The following CCDC83 variants were observed in gnomAD, a reference collection of about 807,000 sequenced individuals.
CCDC83 encodes the protein coiled-coil domain containing 83.
CCDC83 carries 54 observed loss-of-function variants against 50.1 expected under a neutral mutation model. The observed-to-expected ratio is 1.08, with a 90% CI of 0.87 to 1.35. The LOEUF is 1.35. Among genes scored for constraint, CCDC83 ranks in the 40% most tolerant of loss-of-function variants. CCDC83 has a pLI of 0.00. For missense variants in CCDC83, 518 were observed against 473.9 expected, an observed-to-expected ratio of 1.09 and a Z score of -0.86; for synonymous variants, 161 against 153.3, an observed-to-expected ratio of 1.05 and a Z score of -0.37.
chr11:85,880,753 G>A (rs1229183130), intron 3 of CCDC83, among the ~76,000 whole-genome samples: 1 of 151,884 alleles, frequency 6.6e-6, no homozygotes, highest in African/African-American at 2.4e-5. Context: ...CATGGTTTCT[G>A]ATGAAAAATA....
chr11:85,882,701 C>A, intron 4 of CCDC83, 26 bp downstream of exon 4: 1 of 1,601,910 alleles, frequency 6.2e-7, no homozygotes, highest in South Asian at 1.1e-5. Context: ...AGAAAACTAT[C>A]ATAGAGTTGT....
chr11:85,884,204 A>G (rs927056534), intron 4 of CCDC83, among the ~76,000 whole-genome samples: 1 of 152,198 alleles, frequency 6.6e-6, no homozygotes, highest in African/African-American at 2.4e-5. Context: ...AGGACTGGAC[A>G]TGCATGGGAA....
chr11:85,913,702 A>C (rs1428719451), intron 8 of CCDC83, among the ~76,000 whole-genome samples: 1 of 152,114 alleles, frequency 6.6e-6, no homozygotes, highest in East Asian at 1.9e-4. Context: ...TCCCATCTCA[A>C]CTCACATAGA....
At chr11:85,857,568 C>T (rs375547020) in intron 1 of CCDC83, among the ~76,000 whole-genome samples, 1 of 152,174 alleles carries the variant, frequency 6.6e-6, no homozygotes, top group Non-Finnish European at 1.5e-5. Context: ...TTGGGGTCCA[C>T]AAGCTACACA....
rs1167629115 is a variant in CCDC83 at position 85,887,802 on chromosome 11, C to T, written c.511+1435C>T. 9.2e-5 allele frequency among the ~76,000 whole-genome samples: 11 copies of T among 119,942 alleles called. 1 individual carries two copies. Among genetic ancestry groups the T allele is most frequent in the Admixed American group, 6.3e-4 (7 of 11,154 alleles). The allele number at this position is 119,942 out of a possible 152,430, so 78.7% of individuals were successfully genotyped here. On this transcript the variant is annotated intron_variant, in intron 5 of 10. Transcript: ENST00000342404. ...CAGTGGTTGCATGGTTTTATTGTAC[C>T]TTTTTTTTTTTTTTTTTCGAGACAC...
In CCDC83 at chr11:85,917,166, G is replaced by GAGAGAGAGAGAAAGAA. The variant is rs756949334; in HGVS notation, c.1080+936_1080+937insGAGAGAGAAAGAAAGA. Among the ~76,000 whole-genome samples, 11 of 62,458 alleles carry GAGAGAGAGAGAAAGAA rather than the reference G, an allele frequency of 1.8e-4. No individual in the cohort carries two copies. The East Asian group carries it at 2.1e-3, about 12-fold the overall frequency. 41.0% of individuals were successfully genotyped at this position (62,458 alleles called of 152,430 possible). ...AGAGAGAGAGAGAGAGAGAGAGAGA[G>GAGAGAGAGAGAAAGAA]AGAAAGAAAGAAAGAAAGAAAGAAA... On this transcript the variant is annotated intron_variant, in intron 10 of 10. Transcript: ENST00000342404.
intron 3 of CCDC83, among the ~76,000 whole-genome samples, chr11:85,877,403 T>G (rs535500625): frequency 3.3e-5 from 5 of 152,274 alleles, no homozygotes; most frequent in African/African-American, 1.2e-4. Context: ...CCCAGGAGTT[T>G]GAGGTTACAG....
chr11:85,885,779 A>G (rs2093324022), intron 4 of CCDC83, among the ~76,000 whole-genome samples: 2 of 152,254 alleles, frequency 1.3e-5, no homozygotes, highest in Non-Finnish European at 2.9e-5. Context: ...AGGACCTGGG[A>G]AGGACACAAG....
intron 5 of CCDC83, among the ~76,000 whole-genome samples, chr11:85,888,180 A>C (rs908651879): frequency 1.3e-5 from 2 of 152,204 alleles, no homozygotes; most frequent in Non-Finnish European, 2.9e-5. Context: ...CTCTGAAAGA[A>C]ATGGTTGTGT....
At chr11:85,910,486 C>G (rs952860519) in intron 7 of CCDC83, among the ~76,000 whole-genome samples, 1 of 152,198 alleles carries the variant, frequency 6.6e-6, no homozygotes, top group African/African-American at 2.4e-5. Flanking sequence ...GGACTACTAG[C>G]CTGTGCTTCT....
intron 9 of CCDC83, 55 bp downstream of exon 9, chr11:85,915,553 T>C: frequency 7.8e-7 from 1 of 1,287,646 alleles, no homozygotes; most frequent in Non-Finnish European, 1.1e-6. Context: ...TGTTTTTCAA[T>C]TTAAAAAACA....
intron 8 of CCDC83, chr11:85,912,630 C>A (rs764527743): frequency 8.7e-6 from 13 of 1,495,798 alleles, no homozygotes; most frequent in Admixed American, 3.3e-5. Flanking sequence ...CTTTTGCCAG[C>A]CCTCCTCTCT....
intron 9 of CCDC83, 93 bp downstream of exon 9, chr11:85,915,591 A>G (rs2093473933): frequency 1.2e-6 from 1 of 823,570 alleles, no homozygotes; most frequent in Admixed American, 2.5e-5. Context: ...GGTGCCCCAC[A>G]TACAAAAGCT....
intron 7 of CCDC83, among the ~76,000 whole-genome samples, chr11:85,902,991 GGA>G (rs1189723717): frequency 6.6e-6 from 1 of 152,118 alleles, no homozygotes; most frequent in Non-Finnish European, 1.5e-5. Flanking sequence ...CAACACTTTG[GGA>G]GGCTGAGGCA....
chr11:85,917,166 G>GGAA lies in CCDC83; in HGVS notation c.1080+933_1080+934insGAA, dbSNP rs2093482772. Reference sequence around the variant, plus strand: ...AGAGAGAGAGAGAGAGAGAGAGAGAGAGAAAGAAAGAAAGAAAGAAAGAAA... The same window carrying GGAA: ...AGAGAGAGAGAGAGAGAGAGAGAGAGGAAAGAAAGAAAGAAAGAAAGAAAGAAA... On this transcript the variant is annotated intron_variant, in intron 10 of 10. Coordinates refer to ENST00000342404, the MANE Select transcript of CCDC83 (RefSeq NM_001286159.2). Among the ~76,000 whole-genome samples the GGAA allele has an allele frequency of 1.1e-3, 70 of 62,444 alleles. 2 individuals carry two copies. Among genetic ancestry groups the GGAA allele is most frequent in the African/African-American group, 3.4e-3 (60 of 17,824 alleles). 41.0% of individuals were successfully genotyped at this position (62,444 alleles called of 152,430 possible). A position where few individuals can be genotyped will look rare whatever the true frequency, so the allele number is the denominator to read the frequency against.
chr11:85,880,262 T>C (rs944118958), intron 3 of CCDC83, among the ~76,000 whole-genome samples: 5 of 152,156 alleles, frequency 3.3e-5, no homozygotes, highest in African/African-American at 2.4e-5. Flanking sequence ...TCCATTTATT[T>C]AGATCTTGTT....
chr11:85,912,783 C>G lies in CCDC83; in HGVS notation c.794+1381C>G, dbSNP rs1260008924. On this transcript the variant is annotated intron_variant, in intron 8 of 10. Coordinates refer to ENST00000342404, the MANE Select transcript of CCDC83 (RefSeq NM_001286159.2). ...TACCTACTGCTATAGCTGCTGTCCACTGCCCTCTTTTCTGAACTGGCTAAT... is the reference window on the plus strand; with the variant it reads ...TACCTACTGCTATAGCTGCTGTCCAGTGCCCTCTTTTCTGAACTGGCTAAT... 3 of 1,185,414 alleles carry G rather than the reference C, an allele frequency of 2.5e-6. No homozygotes were observed. In the Admixed American group the frequency reaches 5.0e-5, roughly 20 times the overall value. The allele number at this position is 1,185,414 out of a possible 1,614,324, so 73.4% of individuals were successfully genotyped here.
At chr11:85,897,365 T>C (rs1256225269) in intron 6 of CCDC83, among the ~76,000 whole-genome samples, 1 of 152,192 alleles carries the variant, frequency 6.6e-6, no homozygotes, top group Non-Finnish European at 1.5e-5. Context: ...ATCACTAAAC[T>C]ATACATTTTC....
chr11:85,899,032 A>C lies in CCDC83; in HGVS notation c.672+17A>C. 6.4e-7 allele frequency: 1 copy of C among 1,566,280 alleles called. No individual in the cohort carries two copies. ...AAAAAAGAGGTAAGTGGAATTTATC[A>C]AAACAAACAATTTCTTCGTTCTCAT... On this transcript the variant is annotated intron_variant, in intron 7 of 10. Transcript: ENST00000342404.
Sources: allele counts gnomAD v4.1 joint callset (sites outside exome capture counted in the v4.1 genomes callset), GRCh38; gene constraint gnomAD v4.1.1; transcripts MANE v1.5; gene names NCBI Gene and HGNC (gene_info 2026-07-23, HGNC 2026-07-21).